The following KIAA1549 variants were observed in gnomAD, a reference collection of about 807,000 sequenced individuals.
The protein encoded by KIAA1549 is UPF0606 protein KIAA1549.
Under a neutral mutation model 156.4 loss-of-function variants are expected in KIAA1549, and 70 were observed. The ratio of observed to expected loss-of-function variants is 0.45; its 90% confidence interval spans 0.37 to 0.55. The LOEUF is 0.55. Ranked by LOEUF, KIAA1549 falls within the 20% of genes least tolerant of loss-of-function variation. The probability of loss-of-function intolerance (pLI) is 0.00; values close to 1 mark genes in which losing one functional copy is unlikely to be tolerated. For missense variants in KIAA1549, 2,428 were observed against 2,540.9 expected, an observed-to-expected ratio of 0.96 and a Z score of 0.96; for synonymous variants, 1,103 against 1,066.4, an observed-to-expected ratio of 1.03 and a Z score of -0.67.
intron 1 of KIAA1549, among the ~76,000 whole-genome samples, chr7:138,970,699 C>T (rs1329473036): frequency 6.6e-6 from 1 of 152,214 alleles, no homozygotes; most frequent in Non-Finnish European, 1.5e-5. Context: ...GGGGACCACA[C>T]TTGGAGCAGC....
At position 138,911,327 on chromosome 7, in the gene KIAA1549, G is replaced by C. The variant is rs772601110; in HGVS notation, c.2968-4C>G. Reference sequence around the variant, plus strand: ...AGTCAGTAAATAGTTCGTAAACCTAGGGAAATAAGAAATACAAAGACAATT... The same window carrying C: ...AGTCAGTAAATAGTTCGTAAACCTACGGAAATAAGAAATACAAAGACAATT... On this transcript the variant is annotated splice_region_variant and splice_polypyrimidine_tract_variant and intron_variant, in intron 3 of 19. Transcript: ENST00000422774. The C allele has an allele frequency of 1.3e-6, 2 of 1,565,248 alleles. No individual in the cohort carries two copies. Among genetic ancestry groups the C allele is most frequent in the Non-Finnish European group, 1.7e-6 (2 of 1,151,610 alleles).
intron 12 of KIAA1549, among the ~76,000 whole-genome samples, chr7:138,874,046 T>C (rs1157541508): frequency 6.8e-6 from 1 of 148,114 alleles, no homozygotes; most frequent in East Asian, 1.9e-4. Flanking sequence ...AGTAATATAT[T>C]ACTATTAGTA....
chr7:138,883,119 T>TAAAAAAAAAA (rs1811294025), intron 10 of KIAA1549, among the ~76,000 whole-genome samples: 1 of 63,504 alleles, frequency 1.6e-5, no homozygotes, highest in African/African-American at 1.0e-4. Context: ...AAAAAAAAAT[T>TAAAAAAAAAA]CAGCCAGACA....
intron 1 of KIAA1549, among the ~76,000 whole-genome samples, chr7:138,940,200 T>C (rs9718763): frequency 1.3e-5 from 2 of 151,742 alleles, no homozygotes; most frequent in Non-Finnish European, 2.9e-5. Context: ...GTGTGTGATG[T>C]TCCCCTTCCT....
intron 17 of KIAA1549, among the ~76,000 whole-genome samples, chr7:138,851,526 A>C (rs1242898913): frequency 6.6e-6 from 1 of 152,006 alleles, no homozygotes; most frequent in African/African-American, 2.4e-5. Context: ...AATTAAAAAA[A>C]AACCTGTATT....
At position 138,918,062 on chromosome 7, in the gene KIAA1549, G is replaced by T. The variant is rs759452417; in HGVS notation, c.1564C>A (p.Pro522Thr). The change falls in exon 2 of 20, where the codon CCC (proline) becomes ACC (threonine). Residue 522 changes from proline to threonine, a missense_variant. By Grantham distance (38) the Pro-to-Thr change is conservative. Around this residue, in one of 5 missense-constraint regions of KIAA1549, gnomAD observed 893 missense variants for 847.9 expected, o/e 1.05. Transcript: ENST00000422774. The surrounding 1 kb of genome is among the most constrained non-coding windows in gnomAD (Gnocchi z 4.2). ...ACAGAGAGGCGGCCGTGGGCAGGGG[G>T]AACCTGTGTGGTTGTAACACTACTC... ...DMSSVTTTQV[P>T]PAHGRLSVPA... 9.9e-6 allele frequency: 16 copies of T among 1,613,168 alleles called. No homozygotes were observed. In the Admixed American group the frequency reaches 2.3e-4, roughly 24 times the overall value.
chr7:138,972,840 G>A (rs923923283), intron 1 of KIAA1549, among the ~76,000 whole-genome samples: 1 of 152,034 alleles, frequency 6.6e-6, no homozygotes, highest in Non-Finnish European at 1.5e-5. Flanking sequence ...TTTTGTTTTT[G>A]AGATAGAGTG....
chr7:138,872,929 C>T (rs937544532), intron 12 of KIAA1549, among the ~76,000 whole-genome samples: 1 of 152,160 alleles, frequency 6.6e-6, no homozygotes, highest in Non-Finnish European at 1.5e-5. Flanking sequence ...AAAAGATCAA[C>T]TGATGCCCTT....
intron 1 of KIAA1549, among the ~76,000 whole-genome samples, chr7:138,931,698 G>A (rs1159424178): frequency 7.0e-6 from 1 of 143,614 alleles, no homozygotes; most frequent in Non-Finnish European, 1.5e-5. Context: ...GTTGCAGTAA[G>A]CCAAGATTGT....
intron 1 of KIAA1549, among the ~76,000 whole-genome samples, chr7:138,950,733 T>TG (rs1813471486): frequency 6.6e-6 from 1 of 152,164 alleles, no homozygotes; most frequent in Admixed American, 6.5e-5. Flanking sequence ...CAATCCTGCA[T>TG]GTATGTCTTG....
chr7:138,930,405 A>G (rs1812837002), intron 1 of KIAA1549, among the ~76,000 whole-genome samples: 1 of 152,228 alleles, frequency 6.6e-6, no homozygotes, highest in Non-Finnish European at 1.5e-5. Context: ...GAAGCCAAGC[A>G]TTGACTTCTC....
chr7:138,942,366 A>G (rs1223387142), intron 1 of KIAA1549, among the ~76,000 whole-genome samples: 1 of 151,876 alleles, frequency 6.6e-6, no homozygotes, highest in Admixed American at 6.6e-5. Flanking sequence ...CAGGAGGTTT[A>G]AACAACATGT....
rs1390872392 is a variant in KIAA1549 at position 138,836,259 on chromosome 7, C to A, written c.*1647G>T. On this transcript the variant is annotated 3_prime_UTR_variant, in exon 20 of 20. Coordinates refer to ENST00000422774, the MANE Select transcript of KIAA1549 (RefSeq NM_001164665.2). Reference sequence around the variant, plus strand: ...TTATAAAATTGTATTTTTACCATACCTTTTCTATGTTTAGCTATGTTTAGA... The same window carrying A: ...TTATAAAATTGTATTTTTACCATACATTTTCTATGTTTAGCTATGTTTAGA... 4 of 203,294 alleles carry A rather than the reference C, an allele frequency of 2.0e-5. No individual in the cohort carries two copies. The highest frequency in any genetic ancestry group is 6.0e-5 in the Admixed American group (1 of 16,676). The allele number at this position is 203,294 out of a possible 1,614,324, so 12.6% of individuals were successfully genotyped here. A position where few individuals can be genotyped will look rare whatever the true frequency, so the allele number is the denominator to read the frequency against.
At chr7:138,976,578 A>G (rs117602257) in intron 1 of KIAA1549, among the ~76,000 whole-genome samples, 3,705 of 152,212 alleles carry the variant, frequency 0.024, 67 homozygotes, top group Middle Eastern at 0.058. Flanking sequence ...ATTATTGTTA[A>G]TCTCTTACTG....
intron 15 of KIAA1549, 105 bp downstream of exon 15, chr7:138,867,870 C>A (rs1048447093): frequency 1.0e-5 from 13 of 1,253,956 alleles, no homozygotes; most frequent in Non-Finnish European, 1.3e-5. Context: ...GGCACTGATA[C>A]CACACAGGGC....
chr7:138,958,420 A>G (rs1400353556), intron 1 of KIAA1549, among the ~76,000 whole-genome samples: 1 of 152,212 alleles, frequency 6.6e-6, no homozygotes, highest in South Asian at 2.1e-4. Context: ...CCTGTTGGCT[A>G]TGCCCTAAAG....
Position 138,963,771 on chromosome 7 carries a change from C to T in KIAA1549, c.187+17312G>A, listed in dbSNP as rs533699254. Among the ~76,000 whole-genome samples, 143 of 152,278 alleles carry T rather than the reference C, an allele frequency of 9.4e-4. 1 individual carries two copies. Among genetic ancestry groups the T allele is most frequent in the African/African-American group, 3.4e-3 (142 of 41,540 alleles). On this transcript the variant is annotated intron_variant, in intron 1 of 19. Transcript: ENST00000422774. ...AAATTGATTTTAAACCAGTGGTATACACTAACTTAATTAACGGAGGAGATG... is the reference window on the plus strand; with the variant it reads ...AAATTGATTTTAAACCAGTGGTATATACTAACTTAATTAACGGAGGAGATG...
intron 1 of KIAA1549, among the ~76,000 whole-genome samples, chr7:138,925,829 C>CA (rs59066216): frequency 0.016 from 701 of 44,588 alleles, 85 homozygotes; most frequent in East Asian, 0.031. Context: ...GATCCTGTCT[C>CA]AAAAAAAAAA....
intron 1 of KIAA1549, among the ~76,000 whole-genome samples, chr7:138,942,975 G>C (rs1029555868): frequency 6.6e-6 from 1 of 151,806 alleles, no homozygotes; most frequent in Non-Finnish European, 1.5e-5. Flanking sequence ...AAACACAAAG[G>C]ACCAAAGACC....
Sources: gnomAD v4.1 joint callset for allele counts (sites outside exome capture counted in the v4.1 genomes callset) on GRCh38, gnomAD v4.1.1 for gene constraint, gnomAD v4.1.1 regional missense constraint, Gnocchi (gnomAD v3.1) non-coding constraint, MANE v1.5 for transcripts, NCBI Gene and HGNC (gene_info 2026-07-23, HGNC 2026-07-21) for gene names.